Variants in GALR1 observed in about 807,000 individuals in gnomAD.
GALR1 encodes galanin receptor type 1.
A neutral mutation model predicts 17.9 loss-of-function variants in GALR1; 11 were observed. The observed-to-expected ratio is 0.62, with a 90% CI of 0.39 to 1.02. GALR1 has a LOEUF of 1.02. Among genes scored for constraint, GALR1 ranks in the 50% least tolerant of loss-of-function variants. The pLI is 0.01. For synonymous variants in GALR1, 206 were observed against 205.7 expected, an observed-to-expected ratio of 1.00 and a Z score of -0.01; for missense variants, 441 against 456.9, an observed-to-expected ratio of 0.97 and a Z score of 0.32.
intron 2 of GALR1, among the ~76,000 whole-genome samples, chr18:77,258,800 G>GA (rs1912690491): frequency 7.2e-6 from 1 of 138,782 alleles, no homozygotes; most frequent in Non-Finnish European, 1.6e-5. Context: ...GGTGGTGATG[G>GA]TGGTGGTGGT....
chr18:77,252,988 A>ACCACCACCACCACCACC (rs1912496821), intron 1 of GALR1, among the ~76,000 whole-genome samples: 1 of 70,076 alleles, frequency 1.4e-5, no homozygotes, highest in Non-Finnish European at 3.4e-5. Context: ...CATCACCACC[A>ACCACCACCACCACCACC]TCACCACCAC....
intron 2 of GALR1, among the ~76,000 whole-genome samples, chr18:77,259,528 G>A (rs1435632584): frequency 6.6e-6 from 1 of 151,352 alleles, no homozygotes; most frequent in Admixed American, 6.6e-5. Flanking sequence ...TGATGGTGGT[G>A]GTGGTCATAG....
chr18:77,259,042 G>GTGA (rs1215993859), intron 2 of GALR1, among the ~76,000 whole-genome samples: 1 of 11,832 alleles, frequency 8.5e-5, no homozygotes, highest in Non-Finnish European at 3.7e-4. Flanking sequence ...GGTCATGATG[G>GTGA]TCATGGTGGT....
In GALR1 at chr18:77,252,878, CCAT is replaced by C. The variant is rs1568138969; in HGVS notation, c.666+1667_666+1669del. ...AACACCACCACCACCACCACCACCA[CCAT>C]CACCACCACCACCATCACCACCACC... is the stretch of plus-strand genomic sequence containing the variant. On this transcript the variant is annotated intron_variant, in intron 1 of 2. Transcript: ENST00000299727. Among the ~76,000 whole-genome samples the C allele has an allele frequency of 4.1e-3, 429 of 104,232 alleles. 2 individuals are homozygous for C. The highest frequency in any genetic ancestry group is 8.6e-3 in the Middle Eastern group (2 of 232). 68.4% of individuals were successfully genotyped at this position (104,232 alleles called of 152,430 possible). A position where few individuals can be genotyped will look rare whatever the true frequency, so the allele number is the denominator to read the frequency against.
At chr18:77,259,252 C>T (rs1166156225) in intron 2 of GALR1, among the ~76,000 whole-genome samples, 6 of 68,020 alleles carry the variant, frequency 8.8e-5, no homozygotes, top group African/African-American at 4.0e-4. Context: ...GTGGTGGTCA[C>T]AGTGGTGGTG....
At chr18:77,268,143 C>T (rs1599365155) in intron 2 of GALR1, among the ~76,000 whole-genome samples, 1 of 152,116 alleles carries the variant, frequency 6.6e-6, no homozygotes, top group South Asian at 2.1e-4. Flanking sequence ...ACTTACACAC[C>T]TGCTCATAGA....
rs1354110224 is a variant in GALR1, at chr18:77,272,030, A to G, written c.*3128A>G. On this transcript the variant is annotated 3_prime_UTR_variant, in exon 3 of 3. Transcript: ENST00000299727. ...AGGTAAATTACTTTTGCTTTTAACT[A>G]AATTGTTTTATTTTACACATTGGGA... 1 of 152,226 alleles carries G rather than the reference A, an allele frequency of 6.6e-6. No homozygotes were observed. The highest frequency in any genetic ancestry group is 1.5e-5 in the Non-Finnish European group (1 of 68,040). 9.4% of individuals were successfully genotyped at this position (152,226 alleles called of 1,614,324 possible).
chr18:77,255,172 C>T (rs761983443), intron 1 of GALR1, among the ~76,000 whole-genome samples: 1 of 152,196 alleles, frequency 6.6e-6, no homozygotes, highest in Non-Finnish European at 1.5e-5. Context: ...AGCACTTAGT[C>T]GCCCTGGGGC....
At chr18:77,255,468 C>T (rs1944545) in intron 1 of GALR1, among the ~76,000 whole-genome samples, 129,102 of 152,148 alleles carry the variant, frequency 0.85, 55,236 homozygotes, top group Non-Finnish European at 0.91. Flanking sequence ...CGCTGAATCC[C>T]CAATAAGTTG....
chr18:77,259,551 T>C (rs1415593179), intron 2 of GALR1, among the ~76,000 whole-genome samples: 2 of 147,302 alleles, frequency 1.4e-5, no homozygotes, highest in Non-Finnish European at 3.0e-5. Flanking sequence ...GTGGTGGTGA[T>C]GGTGGTGATG....
Position 77,250,755 on chromosome 18 carries a change from C to T in GALR1, c.207C>T (p.Thr69=). 1.9e-6 allele frequency: 3 copies of T among 1,613,970 alleles called. No individual in the cohort carries two copies. The highest frequency in any genetic ancestry group is 2.5e-6 in the Non-Finnish European group (3 of 1,180,016). Reference sequence around the variant, plus strand: ...GCAAGCCGGGCAAGCCGCGGAGCACCACCAACCTGTTCATCCTCAACCTGA... The same window carrying T: ...GCAAGCCGGGCAAGCCGCGGAGCACTACCAACCTGTTCATCCTCAACCTGA... ...ARSKPGKPRS[T]TNLFILNLSI... is the part of the protein sequence containing the mutation. Residue 69 remains threonine (T), a synonymous_variant, in exon 1 of 3, where the codon ACC becomes ACT. Transcript: ENST00000299727.
rs376456092 is a variant in GALR1, at chr18:77,250,773, C to T, written c.225C>T (p.Leu75=). Residue 75 remains leucine, a synonymous_variant, in exon 1 of 3, where the codon CTC becomes CTT. Transcript: ENST00000299727. ...KPRSTTNLFI[L]NLSIADLAYL... is the part of the protein sequence containing the mutation. ...GGAGCACCACCAACCTGTTCATCCTCAACCTGAGCATCGCCGACCTGGCCT... is the reference window on the plus strand; with the variant it reads ...GGAGCACCACCAACCTGTTCATCCTTAACCTGAGCATCGCCGACCTGGCCT... The T allele has an allele frequency of 1.1e-5, 18 of 1,614,018 alleles. No individual in the cohort carries two copies. The highest frequency in any genetic ancestry group is 2.7e-5 in the African/African-American group (2 of 75,060).
intron 2 of GALR1, among the ~76,000 whole-genome samples, chr18:77,263,497 A>C (rs1912877136): frequency 6.6e-6 from 1 of 152,236 alleles, no homozygotes; most frequent in African/African-American, 2.4e-5. Context: ...TGCAAAGGTC[A>C]TACAACCAGC....
rs911608526 is a variant in GALR1 at position 77,276,072 on chromosome 18, C to T, written c.*7170C>T. On this transcript the variant is annotated 3_prime_UTR_variant, in exon 3 of 3. Transcript: ENST00000299727. ...TTATAATTTAGAAATATTTATAAGCCAGAAATGGTTGTGTAAATGTTAGTT... is the reference window on the plus strand; with the variant it reads ...TTATAATTTAGAAATATTTATAAGCTAGAAATGGTTGTGTAAATGTTAGTT... The T allele has an allele frequency of 2.3e-4, 35 of 152,010 alleles. No individual in the cohort carries two copies. Among genetic ancestry groups the T allele is most frequent in the Non-Finnish European group, 5.9e-5 (4 of 68,010 alleles). The allele number at this position is 152,010 out of a possible 1,614,324, so 9.4% of individuals were successfully genotyped here.
chr18:77,250,385 C>T lies in GALR1; in HGVS notation c.-164C>T, dbSNP rs948170488. 1.3e-5 allele frequency among the ~76,000 whole-genome samples: 2 copies of T among 152,176 alleles called. No homozygotes were observed. Among genetic ancestry groups the T allele is most frequent in the African/African-American group, 4.8e-5 (2 of 41,454 alleles). On this transcript the variant is annotated 5_prime_UTR_variant, in exon 1 of 3. Coordinates refer to ENST00000299727, the MANE Select transcript of GALR1 (RefSeq NM_001480.4). Reference sequence around the variant, plus strand: ...GCAAAGACGGTGCCACCAGGCACGGCCACCGGATCCCCGCTCCCGCTGGCT... The same window carrying T: ...GCAAAGACGGTGCCACCAGGCACGGTCACCGGATCCCCGCTCCCGCTGGCT...
In GALR1 at chr18:77,271,111, A is replaced by T. The variant is rs999084705; in HGVS notation, c.*2209A>T. The T allele has an allele frequency of 6.6e-6, 1 of 152,146 alleles. No homozygotes were observed. Among genetic ancestry groups the T allele is most frequent in the Non-Finnish European group, 1.5e-5 (1 of 68,030 alleles). The allele number at this position is 152,146 out of a possible 1,614,324, so 9.4% of individuals were successfully genotyped here. On this transcript the variant is annotated 3_prime_UTR_variant, in exon 3 of 3. Coordinates refer to ENST00000299727, the MANE Select transcript of GALR1 (RefSeq NM_001480.4). ...TGTAAGCATATAAATGGAAGTATTT[A>T]AAAAAATACTGTAGCTAATGTTGCT...
At chr18:77,257,992 T>G (rs1472431951) in intron 2 of GALR1, among the ~76,000 whole-genome samples, 1 of 152,262 alleles carries the variant, frequency 6.6e-6, no homozygotes, top group Non-Finnish European at 1.5e-5. Context: ...GAATCTTACT[T>G]GTGTCGATGG....
At chr18:77,255,659 T>C (rs1161968963) in intron 1 of GALR1, among the ~76,000 whole-genome samples, 3 of 152,238 alleles carry the variant, frequency 2.0e-5, no homozygotes, top group African/African-American at 7.2e-5. Context: ...TCTGATGATA[T>C]TATCTTCATT....
intron 2 of GALR1, among the ~76,000 whole-genome samples, chr18:77,258,887 AT>A (rs1419959177): frequency 3.5e-5 from 3 of 85,912 alleles, no homozygotes; most frequent in East Asian, 4.3e-4. Context: ...GATGGTGGTC[AT>A]AGTGGTGATG....
Sources: allele counts gnomAD v4.1 joint callset (sites outside exome capture counted in the v4.1 genomes callset), GRCh38; gene constraint gnomAD v4.1.1; transcripts MANE v1.5; gene names NCBI Gene and HGNC (gene_info 2026-07-23, HGNC 2026-07-21).